The following AGMO variants were observed in gnomAD, a reference collection of about 807,000 sequenced individuals.
The protein encoded by AGMO is alkylglycerol monooxygenase, also known as glyceryl-ether monooxygenase.
AGMO carries 75 observed loss-of-function variants against 60.2 expected under a neutral mutation model. That is an observed-to-expected ratio of 1.25 (90% confidence interval 1.03 to 1.51). The LOEUF is 1.51. AGMO is among the 40% of genes most tolerant of loss of function. AGMO has a pLI of 0.00. For missense variants in AGMO, 763 were observed against 525.5 expected, an observed-to-expected ratio of 1.45 and a Z score of -4.42; for synonymous variants, 261 against 177.1, an observed-to-expected ratio of 1.47 and a Z score of -3.76.
At chr7:15,448,877 T>G (rs1781781343) in intron 3 of AGMO, among the ~76,000 whole-genome samples, 1 of 151,640 alleles carries the variant, frequency 6.6e-6, no homozygotes, top group Admixed American at 6.6e-5. Flanking sequence ...TGAGATTATT[T>G]TTGTCAATCC....
chr7:15,493,436 C>G (rs1000867618), intron 3 of AGMO, among the ~76,000 whole-genome samples: 30 of 137,908 alleles, frequency 2.2e-4, no homozygotes, highest in Non-Finnish European at 2.1e-4. Context: ...TGCAGTGGCG[C>G]GATCTCGGCT....
chr7:15,268,065 TAAGAGA>T (rs1417094212), intron 12 of AGMO, among the ~76,000 whole-genome samples: 2 of 152,018 alleles, frequency 1.3e-5, no homozygotes, highest in East Asian at 3.9e-4. Flanking sequence ...TTTTATCTGT[TAAGAGA>T]AACATTAATA....
chr7:15,347,754 T>C (rs759107016), intron 12 of AGMO, among the ~76,000 whole-genome samples: 5 of 152,020 alleles, frequency 3.3e-5, no homozygotes, highest in African/African-American at 4.8e-5. Flanking sequence ...TCTGTGCAGA[T>C]CAAGCAAAGT....
At chr7:15,182,374 C>A in the AGMO span, among the ~76,000 whole-genome samples, 1 of 151,840 alleles carries the variant, frequency 6.6e-6, no homozygotes, top group African/African-American at 2.4e-5. Flanking sequence ...TATTGTACCA[C>A]GATAAAAAAT....
At chr7:15,160,281 C>T in the AGMO span, among the ~76,000 whole-genome samples, 1 of 152,116 alleles carries the variant, frequency 6.6e-6, no homozygotes, top group Non-Finnish European at 1.5e-5. Flanking sequence ...AGGATTTCTC[C>T]CTTTCTCATT....
chr7:15,188,774 G>C, the AGMO span, among the ~76,000 whole-genome samples: 1 of 41,972 alleles, frequency 2.4e-5, no homozygotes, highest in Non-Finnish European at 4.2e-5. Context: ...AGACAGTGTG[G>C]TTAGTGTCAG....
chr7:15,331,817 T>A (rs1166719883), intron 12 of AGMO, among the ~76,000 whole-genome samples: 1 of 151,804 alleles, frequency 6.6e-6, no homozygotes, highest in Non-Finnish European at 1.5e-5. Flanking sequence ...TCACAGCTAC[T>A]CAGGAGGCTG....
At chr7:15,389,959 C>G (rs1308644128) in intron 8 of AGMO, among the ~76,000 whole-genome samples, 1 of 152,180 alleles carries the variant, frequency 6.6e-6, no homozygotes, top group Non-Finnish European at 1.5e-5. Context: ...TCCTCACTTA[C>G]CGAATGTTGT....
At chr7:15,208,278 C>G (rs946322728) in intron 12 of AGMO, among the ~76,000 whole-genome samples, 4 of 152,060 alleles carry the variant, frequency 2.6e-5, no homozygotes, top group African/African-American at 4.8e-5. Context: ...TAATAAAGGA[C>G]CAAATATCAT....
chr7:15,384,223 C>A (rs1323913849), intron 10 of AGMO, among the ~76,000 whole-genome samples: 1 of 152,190 alleles, frequency 6.6e-6, no homozygotes, highest in African/African-American at 2.4e-5. Flanking sequence ...AGGCATGAGC[C>A]ACCACGCCCA....
chr7:15,171,704 ATGTG>A, the AGMO span, among the ~76,000 whole-genome samples: 2 of 152,194 alleles, frequency 1.3e-5, no homozygotes, highest in South Asian at 2.1e-4. Flanking sequence ...GTATTATACC[ATGTG>A]TGTTTTATAA....
chr7:15,152,755 T>C, the AGMO span, among the ~76,000 whole-genome samples: 2 of 152,192 alleles, frequency 1.3e-5, no homozygotes, highest in Non-Finnish European at 2.9e-5. Flanking sequence ...TAATGGGCAT[T>C]TGGGCTGGTT....
At chr7:15,508,414 T>A (rs1016002591) in intron 3 of AGMO, among the ~76,000 whole-genome samples, 1 of 152,142 alleles carries the variant, frequency 6.6e-6, no homozygotes, top group African/African-American at 2.4e-5. Context: ...CTATAGTGGG[T>A]TGTTTGTTTT....
intron 3 of AGMO, among the ~76,000 whole-genome samples, chr7:15,485,968 A>G (rs756951630): frequency 6.6e-6 from 1 of 152,100 alleles, no homozygotes; most frequent in South Asian, 2.1e-4. Flanking sequence ...ATACTTTACC[A>G]CATCTTTACT....
At chr7:15,188,079 C>A in the AGMO span, among the ~76,000 whole-genome samples, 1 of 152,186 alleles carries the variant, frequency 6.6e-6, no homozygotes, top group African/African-American at 2.4e-5. Context: ...AACGAGGCTA[C>A]TTCCCAAATG....
chr7:15,371,390 T>A (rs1189244257), intron 10 of AGMO, among the ~76,000 whole-genome samples: 1 of 140,600 alleles, frequency 7.1e-6, no homozygotes, highest in Non-Finnish European at 1.5e-5. Context: ...GCACAGCTAA[T>A]TTTTTTTTTT....
At chr7:15,380,341 T>C (rs1389107326) in intron 10 of AGMO, among the ~76,000 whole-genome samples, 4 of 152,116 alleles carry the variant, frequency 2.6e-5, no homozygotes, top group Non-Finnish European at 5.9e-5. Flanking sequence ...TATGCAAAAA[T>C]CACTGGCATT....
chr7:15,164,343 T>C, the AGMO span, among the ~76,000 whole-genome samples: 1 of 151,940 alleles, frequency 6.6e-6, no homozygotes, highest in African/African-American at 2.4e-5. Context: ...TAAATAATCA[T>C]GACTAAAATC....
intron 6 of AGMO, among the ~76,000 whole-genome samples, chr7:15,392,104 CTG>C (rs1784166586): frequency 6.6e-6 from 1 of 151,806 alleles, no homozygotes; most frequent in South Asian, 2.1e-4. Flanking sequence ...GAGTCTCACT[CTG>C]TTGTCCAGGC....
Sources: gnomAD v4.1 joint callset for allele counts (sites outside exome capture counted in the v4.1 genomes callset) on GRCh38, gnomAD v4.1.1 for gene constraint, MANE v1.5 for transcripts, NCBI Gene and HGNC (gene_info 2026-07-23, HGNC 2026-07-21) for gene names.